Variants in CYBRD1 observed in about 807,000 individuals in gnomAD.
CYBRD1 encodes plasma membrane ascorbate-dependent reductase CYBRD1.
CYBRD1 carries 14 observed loss-of-function variants against 21.9 expected under a neutral mutation model. The observed-to-expected ratio is 0.64, with a 90% CI of 0.42 to 1.00. CYBRD1 has a LOEUF of 1.00. Among genes scored for constraint, CYBRD1 ranks in the 50% least tolerant of loss-of-function variants. The pLI, the probability that CYBRD1 is intolerant of heterozygous loss-of-function variation, is 0.00. For missense variants in CYBRD1, 328 were observed against 352.5 expected (o/e 0.93, Z 0.56); for synonymous variants, 146 against 136.5 (o/e 1.07, Z -0.48).
intron 1 of CYBRD1, among the ~76,000 whole-genome samples, chr2:171,531,154 CA>C (rs5836342): frequency 4.2e-4 from 48 of 114,666 alleles, no homozygotes; most frequent in Non-Finnish European, 5.2e-4. Context: ...GACCCTGTCT[CA>C]AAAAAAAAAA....
intron 1 of CYBRD1, among the ~76,000 whole-genome samples, chr2:171,531,266 G>A (rs1472800073): frequency 6.6e-6 from 1 of 151,784 alleles, no homozygotes; most frequent in East Asian, 1.9e-4. Flanking sequence ...ACAGACTTTG[G>A]CTGTACTTTT....
chr2:171,532,178 G>A (rs1331163795), intron 1 of CYBRD1, among the ~76,000 whole-genome samples: 1 of 152,154 alleles, frequency 6.6e-6, no homozygotes, highest in African/African-American at 2.4e-5. Flanking sequence ...GATAGAATCT[G>A]GTAAGCTCTT....
At chr2:171,529,827 G>A (rs1293690497) in intron 1 of CYBRD1, among the ~76,000 whole-genome samples, 1 of 152,218 alleles carries the variant, frequency 6.6e-6, no homozygotes, top group Non-Finnish European at 1.5e-5. Context: ...CTACTTCTAT[G>A]ATCCCTGCAA....
intron 3 of CYBRD1, 71 bp downstream of exon 3, chr2:171,553,571 T>C (rs929361575): frequency 3.6e-6 from 5 of 1,371,750 alleles, no homozygotes; most frequent in Admixed American, 5.2e-5. Flanking sequence ...ACTGGGAAAA[T>C]GTAATAAAAA....
Position 171,522,658 on chromosome 2 carries a change from T to C in CYBRD1, c.113T>C (p.Leu38Pro), listed in dbSNP as rs1697325353. ...LVWVLHYREG[L>P]GWDGSALEFN... ...TGGGTCCTCCACTACCGAGAGGGGC[T>C]TGGCTGGGATGGGAGCGCACTAGAG... is the stretch of plus-strand genomic sequence containing the variant. Residue 38 changes from leucine (L) to proline (P), a missense_variant, in exon 1 of 4, where the codon CTT becomes CCT. By Grantham distance (98) the Leu-to-Pro change is moderately conservative. Transcript: ENST00000321348. The surrounding 1 kb of genome is among the most constrained non-coding windows in gnomAD (Gnocchi z 4.3). 1.9e-6 allele frequency: 3 copies of C among 1,613,386 alleles called. No homozygotes were observed. Among genetic ancestry groups the C allele is most frequent in the Non-Finnish European group, 2.5e-6 (3 of 1,179,902 alleles).
chr2:171,545,504 G>A (rs573409869), intron 2 of CYBRD1, among the ~76,000 whole-genome samples: 19 of 147,996 alleles, frequency 1.3e-4, no homozygotes, highest in East Asian at 4.0e-4. Context: ...TCAGCCTCCC[G>A]AGTAGCTGGG....
Position 171,558,057 on chromosome 2 carries a change from A to G in CYBRD1, c.*3230A>G, listed in dbSNP as rs151282925. 6.6e-6 allele frequency: 1 copy of G among 152,050 alleles called. No individual in the cohort carries two copies. The highest frequency in any genetic ancestry group is 1.9e-4 in the East Asian group (1 of 5,188). The allele number at this position is 152,050 out of a possible 1,614,324, so 9.4% of individuals were successfully genotyped here. On this transcript the variant is annotated 3_prime_UTR_variant, in exon 4 of 4. Coordinates refer to ENST00000321348, the MANE Select transcript of CYBRD1 (RefSeq NM_024843.4). ...AAATATTAACTATCCTGAATATTTT[A>G]TAATTTTGTAGGAAAAATATGCATC...
chr2:171,539,257 G>A (rs1559316795), intron 1 of CYBRD1, among the ~76,000 whole-genome samples: 1 of 152,134 alleles, frequency 6.6e-6, no homozygotes. Context: ...GCTGAGGCGG[G>A]TGGTGCACTT....
chr2:171,526,445 C>T (rs1697388510), intron 1 of CYBRD1, among the ~76,000 whole-genome samples: 1 of 151,504 alleles, frequency 6.6e-6, no homozygotes, highest in South Asian at 2.1e-4. Flanking sequence ...TCCTTTCCCC[C>T]TCTCTCTCCC....
At chr2:171,551,446 C>A (rs1683374598) in intron 2 of CYBRD1, among the ~76,000 whole-genome samples, 1 of 151,990 alleles carries the variant, frequency 6.6e-6, no homozygotes, top group South Asian at 2.1e-4. Context: ...CTATCAAATG[C>A]ATTTGTTATT....
intron 1 of CYBRD1, among the ~76,000 whole-genome samples, chr2:171,532,193 G>C (rs1697476950): frequency 6.6e-6 from 1 of 152,220 alleles, no homozygotes; most frequent in African/African-American, 2.4e-5. Flanking sequence ...GCTCTTGCGT[G>C]CAGAGGGAAA....
chr2:171,532,999 A>G (rs147506462), intron 1 of CYBRD1, among the ~76,000 whole-genome samples: 2,462 of 152,160 alleles, frequency 0.016, 27 homozygotes, highest in Non-Finnish European at 0.026. Context: ...AAAAAGTAAA[A>G]GAGGATTTGC....
chr2:171,548,300 T>C (rs745669804), intron 2 of CYBRD1, among the ~76,000 whole-genome samples: 5 of 152,142 alleles, frequency 3.3e-5, no homozygotes, highest in Admixed American at 1.3e-4. Context: ...AGACTCGGGC[T>C]GGGGCCCAAC....
At chr2:171,530,336 C>A (rs3049) in intron 1 of CYBRD1, among the ~76,000 whole-genome samples, 3,595 of 152,194 alleles carry the variant, frequency 0.024, 132 homozygotes, top group African/African-American at 0.081. Context: ...TCTGGGAAGC[C>A]CAAAGTATTG....
intron 1 of CYBRD1, among the ~76,000 whole-genome samples, chr2:171,528,313 G>A (rs1024871621): frequency 2.6e-5 from 4 of 152,170 alleles, no homozygotes; most frequent in Admixed American, 6.5e-5. Context: ...TTGAACTCCC[G>A]ACCTCAGGTG....
chr2:171,523,592 T>G (rs1341282821), intron 1 of CYBRD1, among the ~76,000 whole-genome samples: 3 of 152,044 alleles, frequency 2.0e-5, no homozygotes, highest in Non-Finnish European at 4.4e-5. Flanking sequence ...ATGCCTCTGC[T>G]CGGGATGCCC....
chr2:171,534,449 A>C (rs950626642), intron 1 of CYBRD1, among the ~76,000 whole-genome samples: 10 of 152,342 alleles, frequency 6.6e-5, no homozygotes, highest in African/African-American at 2.4e-4. Flanking sequence ...TTGTTTAGGA[A>C]ATATGGCTTG....
At chr2:171,531,084 A>G (rs1401746611) in intron 1 of CYBRD1, among the ~76,000 whole-genome samples, 2 of 140,790 alleles carry the variant, frequency 1.4e-5, no homozygotes, top group East Asian at 2.3e-4. Context: ...TGAGCCTGGG[A>G]GGTTGAGGCT....
At chr2:171,544,985 A>T (rs1697687971) in intron 2 of CYBRD1, among the ~76,000 whole-genome samples, 1 of 151,886 alleles carries the variant, frequency 6.6e-6, no homozygotes, top group Non-Finnish European at 1.5e-5. Context: ...CAAAAGATAT[A>T]AAAATAAGCC....
Sources: gnomAD v4.1 joint callset for allele counts (sites outside exome capture counted in the v4.1 genomes callset) on GRCh38, gnomAD v4.1.1 for gene constraint, Gnocchi (gnomAD v3.1) non-coding constraint, MANE v1.5 for transcripts, NCBI Gene and HGNC (gene_info 2026-07-23, HGNC 2026-07-21) for gene names.